The following GRIN2B variants were observed in gnomAD, a reference collection of about 807,000 sequenced individuals.
GRIN2B encodes the protein glutamate receptor ionotropic, NMDA 2B.
A neutral mutation model predicts 114.5 loss-of-function variants in GRIN2B; 5 were observed. That is an observed-to-expected ratio of 0.04 (90% confidence interval 0.02 to 0.09). GRIN2B has a LOEUF of 0.09. Among genes scored for constraint, GRIN2B ranks in the 10% least tolerant of loss-of-function variants. The probability of loss-of-function intolerance (pLI) is 1.00; values close to 1 mark genes in which losing one functional copy is unlikely to be tolerated. For missense variants in GRIN2B, 1,108 were observed against 1,943.5 expected (o/e 0.57, Z 8.08); for synonymous variants, 787 against 745.1 (o/e 1.06, Z -0.92).
At chr12:13,881,019 T>TGC in intron 2 of GRIN2B, among the ~76,000 whole-genome samples, 1 of 151,584 alleles carries the variant, frequency 6.6e-6, no homozygotes, top group South Asian at 2.1e-4. Context: ...TGTGTGCGCG[T>TGC]GCGCGCACGC....
intron 2 of GRIN2B, among the ~76,000 whole-genome samples, chr12:13,918,740 C>T (rs760197071): frequency 3.9e-5 from 6 of 152,214 alleles, no homozygotes; most frequent in Non-Finnish European, 8.8e-5. Context: ...TCATAAACTA[C>T]ACATTATGAA....
intron 4 of GRIN2B, among the ~76,000 whole-genome samples, chr12:13,752,144 A>C (rs1401458704): frequency 6.6e-6 from 1 of 152,096 alleles, no homozygotes; most frequent in African/African-American, 2.4e-5. Context: ...TACCCACTCA[A>C]CCTCCACTAT....
intron 3 of GRIN2B, among the ~76,000 whole-genome samples, chr12:13,832,863 G>A (rs1007468044): frequency 3.9e-5 from 6 of 152,116 alleles, no homozygotes; most frequent in South Asian, 2.1e-4. Flanking sequence ...TTGCCAAACT[G>A]TCTTCACAAA....
chr12:13,589,433 C>T (rs145068838), intron 10 of GRIN2B, among the ~76,000 whole-genome samples: 2 of 152,278 alleles, frequency 1.3e-5, no homozygotes, highest in African/African-American at 4.8e-5. Flanking sequence ...GGCCTCTAGG[C>T]CTTAGCTATA....
intron 2 of GRIN2B, among the ~76,000 whole-genome samples, chr12:13,911,550 C>G (rs1866627596): frequency 6.6e-6 from 1 of 152,186 alleles, no homozygotes; most frequent in Non-Finnish European, 1.5e-5. Flanking sequence ...GGCAATAAAT[C>G]AAAATCATGT....
chr12:13,569,421 T>C (rs907063404), intron 12 of GRIN2B, among the ~76,000 whole-genome samples: 3 of 152,094 alleles, frequency 2.0e-5, no homozygotes, highest in African/African-American at 7.2e-5. Context: ...AGGGAAAACA[T>C]GCACACTGGT....
At chr12:13,834,895 A>T (rs929830850) in intron 3 of GRIN2B, among the ~76,000 whole-genome samples, 9 of 152,192 alleles carry the variant, frequency 5.9e-5, no homozygotes, top group African/African-American at 2.2e-4. Context: ...CAGACTCTTT[A>T]TGGGAGCGAC....
intron 3 of GRIN2B, among the ~76,000 whole-genome samples, chr12:13,754,927 TCCTG>T (rs1392857126): frequency 8.5e-5 from 13 of 152,318 alleles, no homozygotes; most frequent in East Asian, 1.9e-4. Flanking sequence ...AGATATCAAG[TCCTG>T]CATTTTCTCT....
intron 3 of GRIN2B, among the ~76,000 whole-genome samples, chr12:13,837,111 T>C (rs1865284154): frequency 6.6e-6 from 1 of 152,180 alleles, no homozygotes; most frequent in Non-Finnish European, 1.5e-5. Context: ...TTCCATTCCA[T>C]AAACATCCCA....
intron 3 of GRIN2B, among the ~76,000 whole-genome samples, chr12:13,852,126 G>A (rs1025289728): frequency 5.3e-5 from 8 of 152,196 alleles, no homozygotes; most frequent in Non-Finnish European, 8.8e-5. Flanking sequence ...AGGACTTGGG[G>A]GTATGCCAGG....
chr12:13,582,183 C>T (rs1365268658), intron 10 of GRIN2B, among the ~76,000 whole-genome samples: 1 of 152,154 alleles, frequency 6.6e-6, no homozygotes, highest in Non-Finnish European at 1.5e-5. Flanking sequence ...GATATGGTGA[C>T]AGATTAGAAA....
intron 3 of GRIN2B, among the ~76,000 whole-genome samples, chr12:13,854,183 C>T (rs1865618984): frequency 6.6e-6 from 1 of 152,146 alleles, no homozygotes; most frequent in Non-Finnish European, 1.5e-5. Flanking sequence ...AAAATATCAG[C>T]ACCACACTTA....
chr12:13,960,287 T>C (rs1183822812), intron 2 of GRIN2B, among the ~76,000 whole-genome samples: 1 of 152,214 alleles, frequency 6.6e-6, no homozygotes, highest in Non-Finnish European at 1.5e-5. Flanking sequence ...GGTATTAATG[T>C]ATTTAATTCT....
chr12:13,896,048 T>C (rs1402514375), intron 2 of GRIN2B, among the ~76,000 whole-genome samples: 3 of 152,196 alleles, frequency 2.0e-5, no homozygotes, highest in Non-Finnish European at 4.4e-5. Flanking sequence ...AAATTCACTA[T>C]GCAAATATTT....
chr12:13,661,341 T>G (rs920089303), intron 5 of GRIN2B, among the ~76,000 whole-genome samples: 1 of 152,228 alleles, frequency 6.6e-6, no homozygotes, highest in Non-Finnish European at 1.5e-5. Context: ...TTTCATTGTC[T>G]GACAAACAGA....
At chr12:13,752,900 T>C (rs1422065075) in intron 4 of GRIN2B, among the ~76,000 whole-genome samples, 1 of 152,212 alleles carries the variant, frequency 6.6e-6, no homozygotes, top group Non-Finnish European at 1.5e-5. Context: ...GCATCTTTCT[T>C]TGCGATCAAG....
At chr12:13,568,539 A>C (rs1360867760) in intron 12 of GRIN2B, among the ~76,000 whole-genome samples, 1 of 152,190 alleles carries the variant, frequency 6.6e-6, no homozygotes, top group African/African-American at 2.4e-5. Context: ...ATGTTAATCA[A>C]ATCACTTTTC....
chr12:13,780,463 T>C (rs950579996), intron 3 of GRIN2B, among the ~76,000 whole-genome samples: 3 of 152,212 alleles, frequency 2.0e-5, no homozygotes. Flanking sequence ...TTCCCAACCA[T>C]GGCTTCATTT....
intron 2 of GRIN2B, among the ~76,000 whole-genome samples, chr12:13,894,208 C>T (rs2160728): frequency 0.15 from 23,339 of 151,960 alleles, 2,086 homozygotes; most frequent in South Asian, 0.19. Context: ...CCTTTGACCC[C>T]GTAATTCAAT....
Sources: allele counts gnomAD v4.1 joint callset (sites outside exome capture counted in the v4.1 genomes callset), GRCh38; gene constraint gnomAD v4.1.1; transcripts MANE v1.5; gene names NCBI Gene and HGNC (gene_info 2026-07-23, HGNC 2026-07-21).